The following PHF21A variants were observed in gnomAD, a reference collection of about 807,000 sequenced individuals.
The protein encoded by PHF21A is PHD finger protein 21A, also known as BHC80a.
A neutral mutation model predicts 82.5 loss-of-function variants in PHF21A; 11 were observed. The observed-to-expected ratio is 0.13, with a 90% CI of 0.08 to 0.22. The LOEUF is 0.22. PHF21A is among the 10% of genes least tolerant of loss of function. The pLI, the probability that PHF21A is intolerant of heterozygous loss-of-function variation, is 1.00. For synonymous variants in PHF21A, 297 were observed against 302.8 expected, an observed-to-expected ratio of 0.98 and a Z score of 0.20; for missense variants, 579 against 837.8, an observed-to-expected ratio of 0.69 and a Z score of 3.81.
intron 6 of PHF21A, among the ~76,000 whole-genome samples, chr11:45,996,200 T>G (rs909974870): frequency 8.5e-5 from 13 of 152,112 alleles, no homozygotes; most frequent in Non-Finnish European, 1.5e-4. Flanking sequence ...TGGCTCGGCC[T>G]CCCAAAGTGA....
chr11:45,950,326 A>C (rs1591116476), intron 11 of PHF21A, 69 bp from the exon 12 acceptor site: 2 of 1,382,102 alleles, frequency 1.4e-6, no homozygotes, highest in Non-Finnish European at 2.0e-6. Context: ...GCCAGTTCCT[A>C]GTAGGACATT....
chr11:46,104,285 A>G (rs1281724282), intron 1 of PHF21A, among the ~76,000 whole-genome samples: 2 of 152,200 alleles, frequency 1.3e-5, no homozygotes, highest in African/African-American at 2.4e-5. Context: ...CAATGGACTG[A>G]CCAGCTGATG....
At chr11:45,945,786 C>T (rs920608864) in intron 15 of PHF21A, 54 bp downstream of exon 15, 60 of 1,457,264 alleles carry the variant, frequency 4.1e-5, no homozygotes, top group Non-Finnish European at 5.4e-5. Flanking sequence ...TATGATAACG[C>T]TTTTCCCAAT....
At chr11:45,960,279 T>C (rs369380826) in intron 10 of PHF21A, among the ~76,000 whole-genome samples, 1 of 152,216 alleles carries the variant, frequency 6.6e-6, no homozygotes. Context: ...AACCAACCAA[T>C]GTCTTATGAT....
intron 6 of PHF21A, among the ~76,000 whole-genome samples, chr11:45,996,763 T>C (rs1190544686): frequency 6.6e-6 from 1 of 152,238 alleles, no homozygotes; most frequent in African/African-American, 2.4e-5. Context: ...AACTCTGCCT[T>C]AACTAATGGC....
chr11:46,075,891 G>C (rs1303130224), intron 6 of PHF21A, among the ~76,000 whole-genome samples: 1 of 152,142 alleles, frequency 6.6e-6, no homozygotes, highest in African/African-American at 2.4e-5. Flanking sequence ...ATCAGTTATT[G>C]AGAACTATTT....
chr11:46,078,039 G>A (rs2096747956), intron 5 of PHF21A, among the ~76,000 whole-genome samples: 1 of 152,112 alleles, frequency 6.6e-6, no homozygotes. Context: ...AGCCTCCTGA[G>A]TAGCTGGCCT....
chr11:46,050,307 A>C (rs2096334932), intron 6 of PHF21A, among the ~76,000 whole-genome samples: 1 of 152,244 alleles, frequency 6.6e-6, no homozygotes, highest in Non-Finnish European at 1.5e-5. Context: ...ATAGGGACTA[A>C]TACCACTGGG....
At chr11:46,073,848 A>T (rs2096686482) in intron 6 of PHF21A, among the ~76,000 whole-genome samples, 1 of 152,214 alleles carries the variant, frequency 6.6e-6, no homozygotes, top group Non-Finnish European at 1.5e-5. Flanking sequence ...GCAGGTCAAG[A>T]AGCTGACTTT....
At chr11:46,117,720 A>C (rs1851743998) in intron 1 of PHF21A, among the ~76,000 whole-genome samples, 1 of 152,204 alleles carries the variant, frequency 6.6e-6, no homozygotes, top group South Asian at 2.1e-4. Flanking sequence ...ATTACAAATA[A>C]TTTTTTAAAA....
At chr11:45,990,145 C>T (rs2094633477) in intron 6 of PHF21A, among the ~76,000 whole-genome samples, 2 of 151,806 alleles carry the variant, frequency 1.3e-5, no homozygotes, top group African/African-American at 2.4e-5. Flanking sequence ...CACACCTGAA[C>T]ATACACATGT....
At chr11:46,099,138 C>T (rs1167510791) in intron 1 of PHF21A, among the ~76,000 whole-genome samples, 1 of 152,058 alleles carries the variant, frequency 6.6e-6, no homozygotes, top group African/African-American at 2.4e-5. Context: ...AGAAAAATAT[C>T]TCACACAAAA....
intron 6 of PHF21A, among the ~76,000 whole-genome samples, chr11:46,015,931 T>C (rs1032812328): frequency 2.0e-5 from 3 of 148,006 alleles, no homozygotes; most frequent in Non-Finnish European, 4.4e-5. Context: ...TCTATCTATC[T>C]ATCTATGCAG....
At chr11:46,120,183 G>A (rs1852724858) in intron 1 of PHF21A, among the ~76,000 whole-genome samples, 1 of 149,258 alleles carries the variant, frequency 6.7e-6, no homozygotes, top group African/African-American at 2.5e-5. Flanking sequence ...GTCAGCAGCC[G>A]CAGCTTTTTT....
In PHF21A at chr11:45,971,106, G is replaced by A; in HGVS notation, c.612+10C>T. Reference sequence around the variant, plus strand: ...ATGTGATCACACATGAGGAGCAGCTGCTGGCTTACCAGAGTGACTGTGTTT... The same window carrying A: ...ATGTGATCACACATGAGGAGCAGCTACTGGCTTACCAGAGTGACTGTGTTT... On this transcript the variant is annotated intron_variant, in intron 8 of 18. Transcript: ENST00000676320. The A allele has an allele frequency of 6.2e-7, 1 of 1,613,878 alleles. No individual in the cohort carries two copies. Among genetic ancestry groups the A allele is most frequent in the Non-Finnish European group, 8.5e-7 (1 of 1,179,908 alleles).
At chr11:46,048,264 C>G (rs1450571091) in intron 6 of PHF21A, among the ~76,000 whole-genome samples, 3 of 152,152 alleles carry the variant, frequency 2.0e-5, no homozygotes, top group African/African-American at 7.2e-5. Flanking sequence ...AGTATAAGGC[C>G]TTTTGTCATT....
intron 7 of PHF21A, among the ~76,000 whole-genome samples, chr11:45,972,554 G>C (rs768344315): frequency 3.3e-5 from 5 of 152,210 alleles, no homozygotes; most frequent in African/African-American, 7.2e-5. Context: ...GAGGCAGGTG[G>C]ATCGTCTGAG....
intron 1 of PHF21A, among the ~76,000 whole-genome samples, chr11:46,119,409 A>G (rs114728305): frequency 5.9e-4 from 90 of 152,362 alleles, no homozygotes; most frequent in African/African-American, 2.0e-3. Flanking sequence ...CATTTTAAAA[A>G]CAACACAATG....
intron 6 of PHF21A, among the ~76,000 whole-genome samples, chr11:46,059,452 G>A (rs2096504010): frequency 6.6e-6 from 1 of 152,096 alleles, no homozygotes; most frequent in African/African-American, 2.4e-5. Context: ...TTAAAAGACA[G>A]GGTTCCACTG....
Sources: allele counts gnomAD v4.1 joint callset (sites outside exome capture counted in the v4.1 genomes callset), GRCh38; gene constraint gnomAD v4.1.1; transcripts MANE v1.5; gene names NCBI Gene and HGNC (gene_info 2026-07-23, HGNC 2026-07-21).